MEX3D: variants seen among roughly 807,000 people sequenced by gnomAD.
MEX3D encodes the protein RNA-binding protein MEX3D.
MEX3D carries 4 observed loss-of-function variants against 6.3 expected under a neutral mutation model. The observed-to-expected ratio is 0.64, with a 90% CI of 0.31 to 1.46. MEX3D has a LOEUF of 1.46. Among genes scored for constraint, MEX3D ranks in the 40% most tolerant of loss-of-function variants. MEX3D has a pLI of 0.07. For missense variants in MEX3D, 1,038 were observed against 994.4 expected, an observed-to-expected ratio of 1.04 and a Z score of -0.59; for synonymous variants, 626 against 494.1, an observed-to-expected ratio of 1.27 and a Z score of -3.54.
Position 1,568,014 on chromosome 19 carries a change from GCCC to G in MEX3D, c.42_44del (p.Gly20del). 1 of 975,286 alleles carries G rather than the reference GCCC, an allele frequency of 1.0e-6. No homozygotes were observed. The highest frequency in any genetic ancestry group is 1.2e-6 in the Non-Finnish European group (1 of 825,732). The allele number at this position is 975,286 out of a possible 1,614,324, so 60.4% of individuals were successfully genotyped here. On this transcript the variant is annotated inframe_deletion, in exon 1 of 2. Coordinates refer to ENST00000402693, the MANE Select transcript of MEX3D (RefSeq NM_203304.4). ...CCGCCCCCACGCCGCCGCCGCCGCC[GCCC>G]CCGCCCCCGCCGCCGTCGGGCTGGC... is the stretch of plus-strand genomic sequence containing the variant.
chr19:1,562,187 G>A (rs1232855194), intron 1 of MEX3D, among the ~76,000 whole-genome samples: 1 of 151,044 alleles, frequency 6.6e-6, no homozygotes, highest in Non-Finnish European at 1.5e-5. Context: ...CGTGAACCTG[G>A]GAGATGGAGG....
intron 1 of MEX3D, among the ~76,000 whole-genome samples, chr19:1,565,632 T>A (rs1378180250): frequency 2.6e-5 from 4 of 152,174 alleles, no homozygotes; most frequent in Non-Finnish European, 5.9e-5. Flanking sequence ...GGGGCCGTCA[T>A]CTGCGCAGGG....
chr19:1,568,011 G>T lies in MEX3D; in HGVS notation c.48C>A (p.Gly16=). The T allele has an allele frequency of 2.0e-6, 2 of 976,664 alleles. No homozygotes were observed. Among genetic ancestry groups the T allele is most frequent in the Non-Finnish European group, 2.4e-6 (2 of 826,636 alleles). The allele number at this position is 976,664 out of a possible 1,614,324, so 60.5% of individuals were successfully genotyped here. ...GQPDGGGGGG[G]GGGGVGAAGE... ...CCGCCGCCCCCACGCCGCCGCCGCC[G>T]CCGCCCCCGCCCCCGCCGCCGTCGG... The change falls in exon 1 of 2, where the codon GGC becomes GGA. Residue 16 remains glycine (G), a synonymous_variant. Transcript: ENST00000402693.
chr19:1,558,386 A>G (rs1291258403), intron 1 of MEX3D, among the ~76,000 whole-genome samples: 2 of 151,886 alleles, frequency 1.3e-5, no homozygotes, highest in African/African-American at 4.8e-5. Flanking sequence ...GAAAAAAAAA[A>G]AAAAGACACA....
Position 1,567,975 on chromosome 19 carries a change from G to C in MEX3D, c.84C>G (p.Pro28=). 4.1e-6 allele frequency: 4 copies of C among 978,352 alleles called. No homozygotes were observed. Among genetic ancestry groups the C allele is most frequent in the Non-Finnish European group, 4.8e-6 (4 of 827,154 alleles). The allele number at this position is 978,352 out of a possible 1,614,324, so 60.6% of individuals were successfully genotyped here. ...CGGGCGGGGGCGCAGGTCCGGGTCC[G>C]GGGTCCTCCCCCGCCGCCCCCACGC... ...GGGVGAAGED[P]GPGPAPPPEG... The change falls in exon 1 of 2, where the codon CCC becomes CCG. Residue 28 remains proline (P), a synonymous_variant. Coordinates refer to ENST00000402693, the MANE Select transcript of MEX3D (RefSeq NM_203304.4). The surrounding 1 kb of genome is among the most constrained non-coding windows in gnomAD (Gnocchi z 6.5).
Position 1,555,487 on chromosome 19 carries a change from ACCCCGGGTCCCG to A in MEX3D, c.*64_*75del, listed in dbSNP as rs1282663343. 9 of 1,048,360 alleles carry A rather than the reference ACCCCGGGTCCCG, an allele frequency of 8.6e-6. No homozygotes were observed. Among genetic ancestry groups the A allele is most frequent in the Middle Eastern group, 4.0e-4 (1 of 2,494 alleles). The allele number at this position is 1,048,360 out of a possible 1,614,324, so 64.9% of individuals were successfully genotyped here. On this transcript the variant is annotated 3_prime_UTR_variant, in exon 2 of 2. Coordinates refer to ENST00000402693, the MANE Select transcript of MEX3D (RefSeq NM_203304.4). ...CTCGCCCCCTCCCCGTCCCTCTCCC[ACCCCGGGTCCCG>A]CCCCGTCTCCCGCGCCCACCCCTGG... is the stretch of plus-strand genomic sequence containing the variant.
Position 1,567,642 on chromosome 19 carries a change from GGGCGGCGGCGGC to G in MEX3D, c.405_416del (p.Pro136_Pro139del), listed in dbSNP as rs773372717. ...CGAACACGTCGGGGGGCGACGGCCGGGGCGGCGGCGGCGGCGGGGGACTCGCGTTGGGGTCCA... is the reference window on the plus strand; with the variant it reads ...CGAACACGTCGGGGGGCGACGGCCGGGGCGGGGGACTCGCGTTGGGGTCCA... On this transcript the variant is annotated inframe_deletion, in exon 1 of 2. Transcript: ENST00000402693. This position sits in a 1 kb window ranked among gnomAD's most constrained non-coding sequence, Gnocchi z 6.5. 1.6e-6 allele frequency: 2 copies of G among 1,232,854 alleles called. No individual in the cohort carries two copies. Among genetic ancestry groups the G allele is most frequent in the East Asian group, 6.7e-5 (2 of 29,782 alleles). The allele number at this position is 1,232,854 out of a possible 1,614,324, so 76.4% of individuals were successfully genotyped here.
In MEX3D at chr19:1,556,044, T is replaced by G; in HGVS notation, c.1475A>C (p.Asn492Thr). The G allele has an allele frequency of 7.5e-7, 1 of 1,338,814 alleles. No homozygotes were observed. The highest frequency in any genetic ancestry group is 9.6e-7 in the Non-Finnish European group (1 of 1,044,128). The allele number at this position is 1,338,814 out of a possible 1,614,324, so 82.9% of individuals were successfully genotyped here. A position where few individuals can be genotyped will look rare whatever the true frequency, so the allele number is the denominator to read the frequency against. The change falls in exon 2 of 2, where the codon AAC becomes ACC. Residue 492 changes from asparagine to threonine, a missense_variant. Transcript: ENST00000402693. The surrounding 1 kb of genome is among the most constrained non-coding windows in gnomAD (Gnocchi z 7.5). ...GGCGGCGGGAGGTCCCGGGGCTCCG[T>G]TGACCGTGGAGCAGCCGCTGAAGGC... ...LPAFSGCSTV[N>T]GAPGPPAAGA...
Position 1,567,575 on chromosome 19 carries a change from G to A in MEX3D, c.484C>T (p.Leu162=), listed in dbSNP as rs570672215. 333 of 1,501,100 alleles carry A rather than the reference G, an allele frequency of 2.2e-4. No individual in the cohort carries two copies. Among genetic ancestry groups the A allele is most frequent in the South Asian group, 7.1e-4 (56 of 79,242 alleles). The allele number at this position is 1,501,100 out of a possible 1,614,324, so 93.0% of individuals were successfully genotyped here. A position where few individuals can be genotyped will look rare whatever the true frequency, so the allele number is the denominator to read the frequency against. The part of the protein sequence containing the change: ...PHPAALGPPT[L]LADQMSVIGS... ...ATCACGCTCATCTGGTCGGCCAGCA[G>A]CGTCGGGGGCCCCAGGGCCGCGGGG... is the stretch of plus-strand genomic sequence containing the variant. The change falls in exon 1 of 2, where the codon CTG becomes TTG. Residue 162 remains leucine, a synonymous_variant. Coordinates refer to ENST00000402693, the MANE Select transcript of MEX3D (RefSeq NM_203304.4). This position sits in a 1 kb window ranked among gnomAD's most constrained non-coding sequence, Gnocchi z 6.5.
Position 1,556,362 on chromosome 19 carries a change from G to T in MEX3D, c.1157C>A (p.Ala386Asp). 6.8e-7 allele frequency: 1 copy of T among 1,472,754 alleles called. No homozygotes were observed. The highest frequency in any genetic ancestry group is 8.9e-7 in the Non-Finnish European group (1 of 1,122,816). 91.2% of individuals were successfully genotyped at this position (1,472,754 alleles called of 1,614,324 possible). A position where few individuals can be genotyped will look rare whatever the true frequency, so the allele number is the denominator to read the frequency against. ...CGTGTCCCCGCGGAGGCCGGCCGTG[G>T]CCGTGGGGGGCCGTCGTCCCTGGTT... is the stretch of plus-strand genomic sequence containing the variant. Reference protein sequence around the residue: ...TPNQGRRPPTATAGLRGDTAL... With the variant: ...TPNQGRRPPTDTAGLRGDTAL... The change falls in exon 2 of 2, where the codon GCC (alanine) becomes GAC (aspartate). Residue 386 changes from alanine to aspartate, a missense_variant. Ala to Asp is a moderately radical substitution (Grantham distance 126). Around this residue, in one of 5 missense-constraint regions of MEX3D, gnomAD observed 581 missense variants for 516.2 expected, o/e 1.13. Transcript: ENST00000402693. This position sits in a 1 kb window ranked among gnomAD's most constrained non-coding sequence, Gnocchi z 7.5.
chr19:1,561,736 T>C (rs1485235818), intron 1 of MEX3D, among the ~76,000 whole-genome samples: 3 of 152,124 alleles, frequency 2.0e-5, no homozygotes, highest in Non-Finnish European at 4.4e-5. Context: ...CTTGACCTCC[T>C]GGGCTCAAGC....
At chr19:1,557,926 G>T (rs1396895683) in intron 1 of MEX3D, among the ~76,000 whole-genome samples, 1 of 119,192 alleles carries the variant, frequency 8.4e-6, no homozygotes, top group Non-Finnish European at 1.6e-5. Context: ...GGTGGCGCAC[G>T]CCTGTAATCC....
At chr19:1,562,342 T>C (rs567678541) in intron 1 of MEX3D, among the ~76,000 whole-genome samples, 55 of 143,774 alleles carry the variant, frequency 3.8e-4, no homozygotes, top group Non-Finnish European at 7.4e-4. Flanking sequence ...CTGACCAACA[T>C]GGTGAAACCC....
At position 1,567,680 on chromosome 19, in the gene MEX3D, G is replaced by C; in HGVS notation, c.379C>G (p.Leu127Val). The change falls in exon 1 of 2, where the codon CTG (leucine) becomes GTG (valine). Residue 127 changes from leucine to valine, a missense_variant. This residue lies in a region of MEX3D where 265 missense variants were observed against 206.3 expected (regional missense o/e 1.28). Coordinates refer to ENST00000402693, the MANE Select transcript of MEX3D (RefSeq NM_203304.4). This position sits in a 1 kb window ranked among gnomAD's most constrained non-coding sequence, Gnocchi z 6.5. ...GGCGGGGGACTCGCGTTGGGGTCCA[G>C]CAGCGGCAGCGACCCGGGGGCCACG... ...PAVAPGSLPL[L>V]DPNASPPPPP... 1 of 1,150,874 alleles carries C rather than the reference G, an allele frequency of 8.7e-7. No homozygotes were observed. Among genetic ancestry groups the C allele is most frequent in the Non-Finnish European group, 1.1e-6 (1 of 929,598 alleles). The allele number at this position is 1,150,874 out of a possible 1,614,324, so 71.3% of individuals were successfully genotyped here.
chr19:1,561,798 C>T (rs1044073421), intron 1 of MEX3D, among the ~76,000 whole-genome samples: 2 of 152,114 alleles, frequency 1.3e-5, no homozygotes, highest in Non-Finnish European at 2.9e-5. Flanking sequence ...TATGCACCAC[C>T]ACCCCCGGCT....
chr19:1,560,409 C>T (rs569805024), intron 1 of MEX3D, among the ~76,000 whole-genome samples: 4 of 152,356 alleles, frequency 2.6e-5, no homozygotes, highest in South Asian at 2.1e-4. Context: ...CACGCCGACC[C>T]GGCAGAGGGC....
intron 1 of MEX3D, among the ~76,000 whole-genome samples, chr19:1,559,265 G>C (rs2145571771): frequency 6.6e-6 from 1 of 152,152 alleles, no homozygotes; most frequent in East Asian, 1.9e-4. Context: ...CTGAGTAGCT[G>C]GGATTACAGG....
At chr19:1,565,608 G>A (rs575341038) in intron 1 of MEX3D, among the ~76,000 whole-genome samples, 39 of 152,276 alleles carry the variant, frequency 2.6e-4, no homozygotes, top group South Asian at 8.3e-4. Flanking sequence ...TGAGACGTCC[G>A]CACATCACAG....
chr19:1,556,008 C>CTT lies in MEX3D; in HGVS notation c.1510_1511insAA (p.Arg504GlnfsTer106). 5 of 1,229,552 alleles carry CTT rather than the reference C, an allele frequency of 4.1e-6. No individual in the cohort carries two copies. 76.2% of individuals were successfully genotyped at this position (1,229,552 alleles called of 1,614,324 possible). On this transcript the variant is annotated frameshift_variant, in exon 2 of 2. Coordinates refer to ENST00000402693, the MANE Select transcript of MEX3D (RefSeq NM_203304.4). LOFTEE classifies it low-confidence loss of function (END_TRUNC). The surrounding 1 kb of genome is among the most constrained non-coding windows in gnomAD (Gnocchi z 7.5). Reference sequence around the variant, plus strand: ...GCGGGGGGTCCCGGCCCCACTGCTGCGCCGGGCGCCGGCGGCGGGAGGTCC... The same window carrying CTT: ...GCGGGGGGTCCCGGCCCCACTGCTGCTTGCCGGGCGCCGGCGGCGGGAGGTCC...
Sources: gnomAD v4.1 joint callset for allele counts (sites outside exome capture counted in the v4.1 genomes callset) on GRCh38, gnomAD v4.1.1 for gene constraint, gnomAD v4.1.1 regional missense constraint, Gnocchi (gnomAD v3.1) non-coding constraint, MANE v1.5 for transcripts, NCBI Gene and HGNC (gene_info 2026-07-23, HGNC 2026-07-21) for gene names.